The following NUP214 variants were observed in gnomAD, a reference collection of about 807,000 sequenced individuals.
NUP214 encodes nuclear pore complex protein Nup214.
NUP214 carries 79 observed loss-of-function variants against 196.2 expected under a neutral mutation model. That is an observed-to-expected ratio of 0.40 (90% CI 0.34 to 0.49). NUP214 has a LOEUF of 0.49. Among genes scored for constraint, NUP214 ranks in the 20% least tolerant of loss-of-function variants. NUP214 has a pLI of 0.58. For synonymous variants in NUP214, 1,020 were observed against 990.5 expected, an observed-to-expected ratio of 1.03 and a Z score of -0.56; for missense variants, 2,468 against 2,539.0, an observed-to-expected ratio of 0.97 and a Z score of 0.60.
intron 22 of NUP214, among the ~76,000 whole-genome samples, chr9:131,174,750 G>A (rs1833067294): frequency 6.6e-6 from 1 of 152,020 alleles, no homozygotes; most frequent in Admixed American, 6.6e-5. Context: ...CACTGCACCT[G>A]GCTGCTCAAC....
At chr9:131,183,212 G>A (rs1391672810) in intron 24 of NUP214, among the ~76,000 whole-genome samples, 2 of 152,106 alleles carry the variant, frequency 1.3e-5, no homozygotes, top group Non-Finnish European at 2.9e-5. Context: ...AGCCTCCCTA[G>A]TAGCTGGGAT....
intron 31 of NUP214, among the ~76,000 whole-genome samples, chr9:131,221,930 C>T (rs1463360016): frequency 6.6e-6 from 1 of 151,208 alleles, no homozygotes; most frequent in Non-Finnish European, 1.5e-5. Flanking sequence ...TGGACTTTGT[C>T]TGTTTATCTA....
intron 33 of NUP214, 102 bp from the exon 34 acceptor site, chr9:131,230,528 A>C (rs568113331): frequency 1.4e-6 from 2 of 1,380,852 alleles, no homozygotes; most frequent in South Asian, 2.5e-5. Context: ...CTGGATCATG[A>C]GTGTCGTGTG....
chr9:131,188,036 C>A lies in NUP214; in HGVS notation c.3495+672C>A, dbSNP rs553195247. The stretch of plus-strand genomic sequence containing the variant: ...GGAGGATAGGTGTTTAGATATGTCT[C>A]ACTGGTGAGGCAGCCTAGGCTTGAG... On this transcript the variant is annotated intron_variant, in intron 25 of 35. Coordinates refer to ENST00000359428, the MANE Select transcript of NUP214 (RefSeq NM_005085.4). Among the ~76,000 whole-genome samples the A allele has an allele frequency of 1.9e-3, 282 of 152,352 alleles. 2 individuals carry two copies. Among genetic ancestry groups the A allele is most frequent in the African/African-American group, 6.3e-3 (263 of 41,584 alleles).
At chr9:131,219,291 G>A (rs1588175448) in intron 31 of NUP214, among the ~76,000 whole-genome samples, 2 of 152,194 alleles carry the variant, frequency 1.3e-5, no homozygotes, top group African/African-American at 2.4e-5. Context: ...TGCGTTTCCC[G>A]AGCTCTGATT....
At chr9:131,192,120 C>A in intron 26 of NUP214, 88 bp from the exon 27 acceptor site, 2 of 879,136 alleles carry the variant, frequency 2.3e-6, no homozygotes, top group Non-Finnish European at 3.3e-6. Context: ...ACAGGCTGAG[C>A]TACAGGGAAT....
chr9:131,186,308 C>T (rs1381398818), intron 24 of NUP214, among the ~76,000 whole-genome samples: 4 of 152,140 alleles, frequency 2.6e-5, no homozygotes, highest in Admixed American at 6.5e-5. Flanking sequence ...ACTTTTTCTT[C>T]TCTCTCAATC....
At chr9:131,231,753 A>G (rs1190592913) in intron 34 of NUP214, among the ~76,000 whole-genome samples, 1 of 152,086 alleles carries the variant, frequency 6.6e-6, no homozygotes, top group Non-Finnish European at 1.5e-5. Context: ...GACAAGGCAC[A>G]GAATTTAGGT....
In NUP214 at chr9:131,197,959, G is replaced by A. The variant is rs375068533; in HGVS notation, c.4465G>A (p.Ala1489Thr). The A allele has an allele frequency of 2.9e-5, 47 of 1,613,988 alleles. No individual in the cohort carries two copies. Among genetic ancestry groups the A allele is most frequent in the East Asian group, 2.2e-4 (10 of 44,896 alleles). Residue 1489 changes from alanine to threonine, a missense_variant, in exon 29 of 36, where the codon GCT (alanine) becomes ACT (threonine). By Grantham distance (58) the Ala-to-Thr change is moderately conservative. This residue lies in a region of NUP214 where 1,801 missense variants were observed against 1,779.4 expected (regional missense o/e 1.01). Coordinates refer to ENST00000359428, the MANE Select transcript of NUP214 (RefSeq NM_005085.4). ...AACTACCCCCTCCCTGCCTATGTCC[G>A]CTGGCAGAAGCACAGAAGAGGCCAC... ...SATTPSLPMS[A>T]GRSTEEATSS...
intron 34 of NUP214, among the ~76,000 whole-genome samples, chr9:131,231,261 C>T (rs1170745943): frequency 2.0e-5 from 3 of 152,084 alleles, no homozygotes; most frequent in Non-Finnish European, 2.9e-5. Context: ...GGCACAATCT[C>T]GGCTCACTAT....
Position 131,197,738 on chromosome 9 carries a change from C to A in NUP214, c.4244C>A (p.Pro1415Gln). The A allele has an allele frequency of 6.2e-7, 1 of 1,614,216 alleles. No individual in the cohort carries two copies. The highest frequency in any genetic ancestry group is 1.1e-5 in the South Asian group (1 of 91,084). ...TCAACTGCCGTTTTTGGCAGTCTGCCAGTCACCAGTGCAGGATCCTCTGGG... is the reference window on the plus strand; with the variant it reads ...TCAACTGCCGTTTTTGGCAGTCTGCAAGTCACCAGTGCAGGATCCTCTGGG... The part of the protein sequence containing the change: ...TSSTAVFGSL[P>Q]VTSAGSSGVI... Residue 1415 changes from proline to glutamine, a missense_variant, in exon 29 of 36, where the codon CCA (proline) becomes CAA (glutamine). Coordinates refer to ENST00000359428, the MANE Select transcript of NUP214 (RefSeq NM_005085.4).
chr9:131,209,796 A>T (rs1490901267), intron 30 of NUP214, among the ~76,000 whole-genome samples: 1 of 152,214 alleles, frequency 6.6e-6, no homozygotes, highest in African/African-American at 2.4e-5. Flanking sequence ...TCCCCCGCTA[A>T]TCCTCCCCAA....
At chr9:131,201,414 A>G (rs1227543862) in intron 29 of NUP214, among the ~76,000 whole-genome samples, 1 of 151,992 alleles carries the variant, frequency 6.6e-6, no homozygotes, top group African/African-American at 2.4e-5. Flanking sequence ...TCAAAAAAAA[A>G]AATTAGCTGG....
At position 131,198,493 on chromosome 9, in the gene NUP214, G is replaced by A. The variant is rs1344045398; in HGVS notation, c.4999G>A (p.Ala1667Thr). Residue 1667 changes from alanine to threonine, a missense_variant, in exon 29 of 36, where the codon GCC (alanine) becomes ACC (threonine). By Grantham distance (58) the Ala-to-Thr change is moderately conservative (BLOSUM62 0). Around this residue, in one of 5 missense-constraint regions of NUP214, gnomAD observed 1,801 missense variants for 1,779.4 expected, o/e 1.01. Coordinates refer to ENST00000359428, the MANE Select transcript of NUP214 (RefSeq NM_005085.4). The part of the protein sequence containing the change: ...FNQLTNNTAT[A>T]PSATPVFGQV... The stretch of plus-strand genomic sequence containing the variant: ...CCAGCTCACCAACAACACAGCCACT[G>A]CCCCCTCTGCCACGCCCGTGTTTGG... The A allele has an allele frequency of 6.2e-7, 1 of 1,614,184 alleles. No individual in the cohort carries two copies. The highest frequency in any genetic ancestry group is 8.5e-7 in the Non-Finnish European group (1 of 1,180,040).
At chr9:131,201,771 T>C in intron 30 of NUP214, 54 bp downstream of exon 30, 1 of 1,431,666 alleles carries the variant, frequency 7.0e-7, no homozygotes, top group Admixed American at 1.7e-5. Context: ...CCATTCAGTT[T>C]TCTTCACTGT....
At chr9:131,148,987 TTTA>T (rs1362218643) in intron 14 of NUP214, among the ~76,000 whole-genome samples, 5 of 152,348 alleles carry the variant, frequency 3.3e-5, no homozygotes, top group African/African-American at 9.6e-5. Flanking sequence ...TTCTAAAAGC[TTTA>T]TTATTTTATC....
intron 30 of NUP214, among the ~76,000 whole-genome samples, chr9:131,210,431 C>T (rs1834207531): frequency 6.6e-6 from 1 of 152,112 alleles, no homozygotes; most frequent in African/African-American, 2.4e-5. Context: ...AGTTCAAGAC[C>T]AGCCTGGCCA....
chr9:131,187,578 G>A lies in NUP214; in HGVS notation c.3495+214G>A, dbSNP rs574112958. 1.2e-4 allele frequency among the ~76,000 whole-genome samples: 18 copies of A among 152,172 alleles called. No homozygotes were observed. The South Asian group carries it at 2.7e-3, about 23-fold the overall frequency. On this transcript the variant is annotated intron_variant, in intron 25 of 35. Transcript: ENST00000359428. ...ATTTTTGTAGTTTTAGTAGAGACGC[G>A]GTTTCACCGCGTTGGCCAGGCTAGT...
At chr9:131,227,975 G>C (rs560551534) in intron 32 of NUP214, among the ~76,000 whole-genome samples, 185 bp from the exon 33 acceptor site, 1 of 117,218 alleles carries the variant, frequency 8.5e-6, no homozygotes, top group Non-Finnish European at 1.7e-5. Context: ...CTATTTTCTT[G>C]ATAGAAGGGC....
Sources: gnomAD v4.1 joint callset for allele counts (sites outside exome capture counted in the v4.1 genomes callset) on GRCh38, gnomAD v4.1.1 for gene constraint, gnomAD v4.1.1 regional missense constraint, MANE v1.5 for transcripts, NCBI Gene and HGNC (gene_info 2026-07-23, HGNC 2026-07-21) for gene names.